CLIC5: variants seen among roughly 807,000 people sequenced by gnomAD.
CLIC5 encodes CLIC family member 5, also known as chloride intracellular channel protein 5.
A neutral mutation model predicts 24.7 loss-of-function variants in CLIC5; 20 were observed. The ratio of observed to expected loss-of-function variants is 0.81; its 90% CI spans 0.57 to 1.18. The LOEUF (loss-of-function observed/expected upper bound fraction) is 1.18. Ranked by LOEUF, CLIC5 falls within the 50% of genes most tolerant of loss-of-function variation. The pLI is 0.00. For missense variants in CLIC5, 341 were observed against 326.1 expected, an observed-to-expected ratio of 1.05 and a Z score of -0.35; for synonymous variants, 159 against 135.6, an observed-to-expected ratio of 1.17 and a Z score of -1.20.
intron 1 of CLIC5, among the ~76,000 whole-genome samples, chr6:45,996,708 C>T (rs1766154852): frequency 6.6e-6 from 1 of 152,070 alleles, no homozygotes; most frequent in Non-Finnish European, 1.5e-5. Flanking sequence ...TGAACAGACA[C>T]TTCTCAAAAG....
chr6:45,923,302 A>C (rs565978407), intron 4 of CLIC5, among the ~76,000 whole-genome samples: 11 of 152,346 alleles, frequency 7.2e-5, no homozygotes, highest in African/African-American at 2.4e-4. Context: ...GTTAAGAGAG[A>C]TTCTAACTTT....
chr6:46,001,752 C>T (rs1021198487), intron 1 of CLIC5, among the ~76,000 whole-genome samples: 8 of 152,196 alleles, frequency 5.3e-5, no homozygotes, highest in Non-Finnish European at 8.8e-5. Context: ...CCCAACTCTG[C>T]CACTTTCCAT....
the CLIC5 span, among the ~76,000 whole-genome samples, chr6:46,086,711 C>A: frequency 3.0e-3 from 454 of 152,326 alleles, 1 homozygote; most frequent in African/African-American, 9.8e-3. Context: ...CAGATGCTCA[C>A]AGAAAACCAT....
At chr6:46,018,505 C>A (rs1241801952), upstream of CLIC5, among the ~76,000 whole-genome samples, 49 of 152,274 alleles carry the variant, frequency 3.2e-4, 3 homozygotes, top group Non-Finnish European at 1.6e-4. Flanking sequence ...AAAAATAATT[C>A]TTCTTTGGTC....
intron 5 of CLIC5, among the ~76,000 whole-genome samples, chr6:45,903,561 T>C (rs538437230): frequency 1.3e-5 from 2 of 152,328 alleles, no homozygotes; most frequent in South Asian, 2.1e-4. Flanking sequence ...CAGAGCTATT[T>C]TGAATAACAA....
At chr6:45,888,153 G>T (rs114041799) in intron 6 of CLIC5, among the ~76,000 whole-genome samples, 2 of 152,062 alleles carry the variant, frequency 1.3e-5, no homozygotes, top group African/African-American at 4.8e-5. Context: ...TCCCTGGGGT[G>T]GGGGGGATTT....
At chr6:45,993,856 C>A (rs1766032773) in intron 1 of CLIC5, among the ~76,000 whole-genome samples, 1 of 152,110 alleles carries the variant, frequency 6.6e-6, no homozygotes, top group Admixed American at 6.6e-5. Flanking sequence ...TATAGCAAGC[C>A]CTGCGGAAAT....
upstream of CLIC5, among the ~76,000 whole-genome samples, chr6:46,081,217 G>A (rs1211631091): frequency 3.9e-5 from 6 of 152,208 alleles, no homozygotes; most frequent in East Asian, 1.9e-4. Flanking sequence ...CACAGATGCT[G>A]TGAATATGTG....
chr6:46,014,351 G>A (rs560822117), intron 1 of CLIC5: 2 of 152,248 alleles, frequency 1.3e-5, no homozygotes, highest in East Asian at 3.9e-4. Context: ...TTGTAGAGAA[G>A]GATCTTTTGG....
chr6:46,101,538 T>C, the CLIC5 span, among the ~76,000 whole-genome samples: 2 of 152,134 alleles, frequency 1.3e-5, no homozygotes, highest in African/African-American at 4.8e-5. Flanking sequence ...AAAAAGCAAG[T>C]TGGTTATTTC....
At chr6:45,953,119 G>A (rs532466926) in intron 2 of CLIC5, among the ~76,000 whole-genome samples, 15 of 152,228 alleles carry the variant, frequency 9.9e-5, no homozygotes, top group East Asian at 3.9e-4. Context: ...AGCAGATGGC[G>A]TTTAGCCCCT....
Position 46,015,642 on chromosome 6 carries a change from C to T in CLIC5, c.-100G>A. The T allele has an allele frequency of 2.2e-6, 3 of 1,353,682 alleles. No homozygotes were observed. The highest frequency in any genetic ancestry group is 2.9e-6 in the Non-Finnish European group (3 of 1,042,798). The allele number at this position is 1,353,682 out of a possible 1,614,324, so 83.9% of individuals were successfully genotyped here. A position where few individuals can be genotyped will look rare whatever the true frequency, so the allele number is the denominator to read the frequency against. On this transcript the variant is annotated 5_prime_UTR_variant, in exon 1 of 6. Coordinates refer to ENST00000339561, the MANE Select transcript of CLIC5 (RefSeq NM_016929.5). ...CTCCTGCCGCTGCCCAGCGGGGCTCCTCTTCAGGGCGGTGTTTAATTTTTC... is the reference window on the plus strand; with the variant it reads ...CTCCTGCCGCTGCCCAGCGGGGCTCTTCTTCAGGGCGGTGTTTAATTTTTC...
At chr6:45,933,747 T>C (rs1193300972) in intron 4 of CLIC5, among the ~76,000 whole-genome samples, 1 of 152,186 alleles carries the variant, frequency 6.6e-6, no homozygotes, top group Non-Finnish European at 1.5e-5. Context: ...TCCCATGTGC[T>C]GGGTGGACAG....
intron 4 of CLIC5, among the ~76,000 whole-genome samples, chr6:45,925,097 C>T (rs916888477): frequency 6.6e-6 from 1 of 152,162 alleles, no homozygotes; most frequent in Non-Finnish European, 1.5e-5. Context: ...ACTCTCTGGA[C>T]TTCTTGTCAT....
chr6:45,914,688 C>T (rs1762953473), intron 4 of CLIC5: 7 of 375,396 alleles, frequency 1.9e-5, no homozygotes, highest in Non-Finnish European at 2.3e-5. Flanking sequence ...TGTGGTGGCT[C>T]ACACCTGTAA....
intron 1 of CLIC5, among the ~76,000 whole-genome samples, chr6:46,058,926 G>A (rs982108673): frequency 1.4e-4 from 21 of 152,330 alleles, no homozygotes; most frequent in African/African-American, 4.8e-4. Flanking sequence ...GGTTCTGCAG[G>A]TTGCATCTGT....
Position 46,015,482 on chromosome 6 carries a change from T to A in CLIC5, c.61A>T (p.Lys21Ter), listed in dbSNP as rs1290992678. 1 of 1,544,662 alleles carries A rather than the reference T, an allele frequency of 6.5e-7. No individual in the cohort carries two copies. The highest frequency in any genetic ancestry group is 2.5e-5 in the East Asian group (1 of 39,792). Residue 21 changes from lysine (K) to a stop codon, truncating the protein, a stop_gained and splice_region_variant, in exon 1 of 6, where the codon AAG becomes TAG. Transcript: ENST00000339561. LOFTEE classifies it high-confidence loss of function. ...DRDPEIELFV[K>*]AGIDGESIGN... ...CGGGAGACTGGACCCCGACCTACCT[T>A]CACAAAGAGCTCGATCTCGGGGTCC...
intron 1 of CLIC5, among the ~76,000 whole-genome samples, chr6:45,990,441 G>C (rs1581833300): frequency 6.6e-6 from 1 of 152,154 alleles, no homozygotes; most frequent in East Asian, 1.9e-4. Context: ...AACCACTTGA[G>C]TTGGCCAACA....
chr6:46,074,279 CT>C (rs756147303), intron 1 of CLIC5, among the ~76,000 whole-genome samples: 10 of 152,026 alleles, frequency 6.6e-5, no homozygotes, highest in Non-Finnish European at 1.2e-4. Flanking sequence ...ATTTTTCATT[CT>C]AATTATAGTA....
Sources: allele counts gnomAD v4.1 joint callset (sites outside exome capture counted in the v4.1 genomes callset), GRCh38; gene constraint gnomAD v4.1.1; transcripts MANE v1.5; gene names NCBI Gene and HGNC (gene_info 2026-07-23, HGNC 2026-07-21).